Variants in LRRC27 observed in about 807,000 individuals in gnomAD.
LRRC27 encodes leucine-rich repeat-containing protein 27.
Under a neutral mutation model 55.0 loss-of-function variants are expected in LRRC27, and 57 were observed. The ratio of observed to expected loss-of-function variants is 1.04; its 90% CI spans 0.84 to 1.29. The LOEUF is 1.29. Ranked by LOEUF, LRRC27 falls within the 50% of genes most tolerant of loss-of-function variation. The probability of loss-of-function intolerance (pLI) is 0.00; values close to 1 mark genes in which losing one functional copy is unlikely to be tolerated. For synonymous variants in LRRC27, 278 were observed against 251.9 expected, an observed-to-expected ratio of 1.10 and a Z score of -0.98; for missense variants, 721 against 651.5, an observed-to-expected ratio of 1.11 and a Z score of -1.16.
intron 10 of LRRC27, among the ~76,000 whole-genome samples, chr10:132,371,782 A>T (rs181053223): frequency 6.6e-6 from 1 of 152,164 alleles, no homozygotes; most frequent in Non-Finnish European, 1.5e-5. Context: ...TGCAAACATG[A>T]TGGCCGGAGC....
At chr10:132,331,889 C>G (rs1314628127), upstream of LRRC27, 1 of 1,060,820 alleles carries the variant, frequency 9.4e-7, no homozygotes, top group Non-Finnish European at 1.3e-6. Context: ...GCACCACCCC[C>G]TGCCACCCCC....
chr10:132,337,827 G>A, intron 3 of LRRC27, 132 bp downstream of exon 3: 1 of 1,110,730 alleles, frequency 9.0e-7, no homozygotes, highest in South Asian at 1.6e-5. Context: ...TATTTTTAAA[G>A]CCAGCTAAGA....
At chr10:132,353,249 T>C (rs2068153323) in intron 7 of LRRC27, 3 of 1,279,870 alleles carry the variant, frequency 2.3e-6, no homozygotes, top group Non-Finnish European at 3.0e-6. Context: ...GAGTCCAGCC[T>C]CTCCCTCCTT....
intron 10 of LRRC27, among the ~76,000 whole-genome samples, chr10:132,369,538 G>T (rs1264844585): frequency 6.6e-6 from 1 of 151,892 alleles, no homozygotes; most frequent in Non-Finnish European, 1.5e-5. Flanking sequence ...GGCCCGGGTG[G>T]GGGTAGTAGG....
At chr10:132,351,523 C>T (rs1564838567) in intron 6 of LRRC27, 84 bp from the exon 7 acceptor site, 34 of 1,469,224 alleles carry the variant, frequency 2.3e-5, no homozygotes, top group Admixed American at 3.8e-5. Context: ...ATCCACAGGC[C>T]CTCCTTTTAC....
intron 9 of LRRC27, 68 bp from the exon 10 acceptor site, chr10:132,365,356 A>G: frequency 1.9e-6 from 3 of 1,579,886 alleles, no homozygotes; most frequent in Non-Finnish European, 2.6e-6. Context: ...CTCCCTGGTT[A>G]TGGCGGGAGT....
In LRRC27 at chr10:132,333,686, A is replaced by G. The variant is rs887671696; in HGVS notation, c.162A>G (p.Glu54=). 6 of 1,613,798 alleles carry G rather than the reference A, an allele frequency of 3.7e-6. No individual in the cohort carries two copies. The South Asian group carries it at 6.6e-5, about 18-fold the overall frequency. The change falls in exon 2 of 11, where the codon GAA becomes GAG. Residue 54 remains glutamate, a synonymous_variant. Transcript: ENST00000368614. ...FSSSPILDLS[E]SGLCRLEEVF... is the part of the protein sequence containing the mutation. ...CCTCACCGATTTTAGACTTGAGTGAAAGTGGTCTGTGCCGTTTGGAGGAGG... is the reference window on the plus strand; with the variant it reads ...CCTCACCGATTTTAGACTTGAGTGAGAGTGGTCTGTGCCGTTTGGAGGAGG...
At chr10:132,350,119 G>A (rs565018364) in intron 6 of LRRC27, among the ~76,000 whole-genome samples, 7 of 152,166 alleles carry the variant, frequency 4.6e-5, no homozygotes, top group South Asian at 2.1e-4. Context: ...AAGGTGACTC[G>A]TGTGGCCTGG....
chr10:132,353,427 G>A (rs548169757), intron 7 of LRRC27: 2 of 1,020,822 alleles, frequency 2.0e-6, no homozygotes, highest in African/African-American at 3.4e-5. Context: ...TTTCTCTCGG[G>A]ACCATGTGAT....
In LRRC27 at chr10:132,361,438, T is replaced by C. The variant is rs746359365; in HGVS notation, c.1171-19T>C. ...TCATCTACTGGGATTCCAGAAATCA[T>C]CTTGTTGCATTTTCCTAGGTGGCAT... On this transcript the variant is annotated intron_variant, in intron 8 of 10. Transcript: ENST00000368614. 7 of 1,566,824 alleles carry C rather than the reference T, an allele frequency of 4.5e-6. No homozygotes were observed. Among genetic ancestry groups the C allele is most frequent in the South Asian group, 2.2e-5 (2 of 90,110 alleles).
At chr10:132,361,368 G>T in intron 8 of LRRC27, 89 bp from the exon 9 acceptor site, 1 of 1,102,668 alleles carries the variant, frequency 9.1e-7, no homozygotes, top group Non-Finnish European at 1.4e-6. Context: ...TCGTGGACGA[G>T]GAGCTAGTCT....
chr10:132,353,152 G>T, intron 7 of LRRC27: 6 of 1,437,758 alleles, frequency 4.2e-6, no homozygotes, highest in Non-Finnish European at 5.5e-6. Flanking sequence ...GCCAGCGGGG[G>T]CCCCCAGCAG....
rs553717715 is a variant in LRRC27, at chr10:132,376,582, G to C, written c.*1340G>C. ...TGGGTTGAGCTGCTCTCCTCTGAAG[G>C]TTTAACTGGGCTTGGGGCTCAGCTT... On this transcript the variant is annotated 3_prime_UTR_variant, in exon 11 of 11. Transcript: ENST00000368614. 1 of 152,402 alleles carries C rather than the reference G, an allele frequency of 6.6e-6. No homozygotes were observed. Among genetic ancestry groups the C allele is most frequent in the Non-Finnish European group, 1.5e-5 (1 of 68,070 alleles). 9.4% of individuals were successfully genotyped at this position (152,402 alleles called of 1,614,324 possible). A position where few individuals can be genotyped will look rare whatever the true frequency, so the allele number is the denominator to read the frequency against.
In LRRC27 at chr10:132,380,493, G is replaced by A. The variant is rs2069397632; in HGVS notation, c.*5251G>A. Among the ~76,000 whole-genome samples the A allele has an allele frequency of 6.6e-6, 1 of 151,790 alleles. No individual in the cohort carries two copies. The highest frequency in any genetic ancestry group is 2.4e-5 in the African/African-American group (1 of 41,318). On this transcript the variant is annotated 3_prime_UTR_variant, in exon 11 of 11. Transcript: ENST00000368614. Reference sequence around the variant, plus strand: ...TGTCTTCAGTACATTGTGTATCACGGTAAAAAGTGATCTGTTTTAACTGGA... The same window carrying A: ...TGTCTTCAGTACATTGTGTATCACGATAAAAAGTGATCTGTTTTAACTGGA...
intron 8 of LRRC27, among the ~76,000 whole-genome samples, chr10:132,359,678 G>A (rs778589938): frequency 3.9e-5 from 6 of 152,264 alleles, no homozygotes; most frequent in Non-Finnish European, 8.8e-5. Flanking sequence ...TGGGAGCCTT[G>A]AGGCTGCGGC....
In LRRC27 at chr10:132,373,415, A is replaced by G. The variant is rs546180307; in HGVS notation, c.1417-1651A>G. 2.6e-5 allele frequency among the ~76,000 whole-genome samples: 4 copies of G among 152,266 alleles called. No individual in the cohort carries two copies. The South Asian group carries it at 8.3e-4, about 32-fold the overall frequency. ...CCCACACATGCCGGCACCATGGCTC[A>G]GCATCCCGAACCAGAGCAGGACGGA... is the stretch of plus-strand genomic sequence containing the variant. On this transcript the variant is annotated intron_variant, in intron 10 of 10. Transcript: ENST00000368614.
intron 6 of LRRC27, chr10:132,349,076 CGTGTGT>C (rs1564836229): frequency 6.5e-7 from 1 of 1,537,132 alleles, no homozygotes; most frequent in Admixed American, 1.8e-5. Flanking sequence ...CTGTGGTGTG[CGTGTGT>C]GTGCCTGCAT....
intron 7 of LRRC27, chr10:132,353,292 G>A (rs1200254782): frequency 3.4e-6 from 4 of 1,188,260 alleles, no homozygotes; most frequent in Non-Finnish European, 4.2e-6. Context: ...TCCCTGGTCT[G>A]TCCTGTGGGC....
chr10:132,352,926 G>C (rs568155456), intron 7 of LRRC27: 1 of 1,613,754 alleles, frequency 6.2e-7, no homozygotes. Flanking sequence ...GCCCTGACAC[G>C]GTCATCAGGG....
Sources: gnomAD v4.1 joint callset for allele counts (sites outside exome capture counted in the v4.1 genomes callset) on GRCh38, gnomAD v4.1.1 for gene constraint, MANE v1.5 for transcripts, NCBI Gene and HGNC (gene_info 2026-07-23, HGNC 2026-07-21) for gene names.